COL6A6: variants seen among roughly 807,000 people sequenced by gnomAD.
COL6A6 encodes the protein collagen alpha-6(VI) chain.
COL6A6 carries 183 observed loss-of-function variants against 208.6 expected under a neutral mutation model. The observed-to-expected ratio is 0.88, with a 90% CI of 0.78 to 0.99. COL6A6 has a LOEUF of 0.99. Ranked by LOEUF, COL6A6 falls within the 50% of genes least tolerant of loss-of-function variation. COL6A6 has a pLI of 0.00. For missense variants in COL6A6, 2,816 were observed against 2,815.2 expected (o/e 1.00, Z -0.01); for synonymous variants, 973 against 1,011.8 (o/e 0.96, Z 0.73).
intron 28 of COL6A6, among the ~76,000 whole-genome samples, chr3:130,639,614 C>T (rs2108355459): frequency 6.6e-6 from 1 of 151,630 alleles, no homozygotes; most frequent in Admixed American, 6.6e-5. Flanking sequence ...ATCACCTGAG[C>T]CCAGAAAGTC....
At chr3:130,538,329 T>A (rs919678396) in intron 1 of COL6A6, among the ~76,000 whole-genome samples, 1 of 152,174 alleles carries the variant, frequency 6.6e-6, no homozygotes, top group South Asian at 2.1e-4. Context: ...CCTGTAGACA[T>A]GTTAAGAGTT....
intron 1 of COL6A6, among the ~76,000 whole-genome samples, chr3:130,550,533 T>A (rs2062618594): frequency 6.6e-6 from 1 of 152,160 alleles, no homozygotes; most frequent in South Asian, 2.1e-4. Context: ...GCACTTACAG[T>A]TCCACATGGC....
At chr3:130,661,541 C>G (rs1477509728) in intron 34 of COL6A6, 96 bp from the exon 35 acceptor site, 7 of 952,300 alleles carry the variant, frequency 7.4e-6, no homozygotes, top group Non-Finnish European at 1.1e-5. Flanking sequence ...ATTTTAACAT[C>G]AAAGACTATG....
chr3:130,674,968 T>C (rs918555096), intron 36 of COL6A6, among the ~76,000 whole-genome samples: 2 of 152,176 alleles, frequency 1.3e-5, no homozygotes, highest in African/African-American at 4.8e-5. Context: ...ACATATTCCA[T>C]GAAGAAACTT....
At chr3:130,643,829 A>G (rs1012299364) in intron 31 of COL6A6, among the ~76,000 whole-genome samples, 1 of 152,226 alleles carries the variant, frequency 6.6e-6, no homozygotes, top group African/African-American at 2.4e-5. Flanking sequence ...TCAGTAGAGA[A>G]CATTGGTCTC....
intron 1 of COL6A6, among the ~76,000 whole-genome samples, chr3:130,535,204 ATCTT>A (rs2062196015): frequency 2.0e-5 from 3 of 151,878 alleles, no homozygotes; most frequent in Admixed American, 2.0e-4. Flanking sequence ...TATTTTCTGT[ATCTT>A]TATTTTTCTT....
chr3:130,656,593 GCCCAGCC>G (rs948582083), intron 33 of COL6A6, among the ~76,000 whole-genome samples: 3 of 152,226 alleles, frequency 2.0e-5, no homozygotes, highest in African/African-American at 7.2e-5. Flanking sequence ...ATTTTGGTCA[GCCCAGCC>G]CCCAGGCTTC....
At chr3:130,624,874 A>G (rs960809471) in intron 24 of COL6A6, among the ~76,000 whole-genome samples, 3 of 152,042 alleles carry the variant, frequency 2.0e-5, no homozygotes, top group Admixed American at 6.6e-5. Context: ...CCCCTACCTT[A>G]CTCCAGTAAG....
rs75043809 is a variant in COL6A6 at position 130,517,293 on chromosome 3, C to T, written c.-136C>T. 2.6e-3 allele frequency among the ~76,000 whole-genome samples: 394 copies of T among 152,298 alleles called. 3 individuals are homozygous for T. The highest frequency in any genetic ancestry group is 8.3e-3 in the African/African-American group (346 of 41,582). Reference sequence around the variant, plus strand: ...CGCGCGCCGCAGGCGGCACCAAACTCTGCGCTCCCCGCGGTGCGCCCTGCC... The same window carrying T: ...CGCGCGCCGCAGGCGGCACCAAACTTTGCGCTCCCCGCGGTGCGCCCTGCC... On this transcript the variant is annotated 5_prime_UTR_variant, in exon 1 of 37. Transcript: ENST00000358511.
intron 36 of COL6A6, among the ~76,000 whole-genome samples, chr3:130,670,730 A>G (rs2066192309): frequency 6.6e-6 from 1 of 152,242 alleles, no homozygotes; most frequent in African/African-American, 2.4e-5. Context: ...GGCACCCAGC[A>G]TGTCCCAGCA....
At chr3:130,668,047 C>G (rs1211317767) in intron 36 of COL6A6, among the ~76,000 whole-genome samples, 1 of 140,228 alleles carries the variant, frequency 7.1e-6, no homozygotes, top group South Asian at 2.3e-4. Context: ...TTAAAAAGGC[C>G]AAAAAAAAAG....
chr3:130,591,058 A>C lies in COL6A6; in HGVS notation c.4236A>C (p.Lys1412Asn). 6.3e-7 allele frequency: 1 copy of C among 1,581,908 alleles called. No individual in the cohort carries two copies. Among genetic ancestry groups the C allele is most frequent in the South Asian group, 1.2e-5 (1 of 86,270 alleles). Residue 1412 changes from lysine to asparagine, a missense_variant, in exon 13 of 37, where the codon AAA becomes AAC. Coordinates refer to ENST00000358511, the MANE Select transcript of COL6A6 (RefSeq NM_001102608.3). The stretch of plus-strand genomic sequence containing the variant: ...ATTTCCAGGGACCTCCAGGTTTTAA[A>C]GGCAGTGAAGGCTACCTGGGAGAGG... ...PPGKRGPPGF[K>N]GSEGYLGEEG...
intron 1 of COL6A6, among the ~76,000 whole-genome samples, chr3:130,521,121 CT>C (rs1199113138): frequency 6.6e-6 from 1 of 152,148 alleles, no homozygotes; most frequent in African/African-American, 2.4e-5. Context: ...ATTGATTTGA[CT>C]CTAAAATATT....
At chr3:130,539,107 A>G (rs140350693) in intron 1 of COL6A6, among the ~76,000 whole-genome samples, 1 of 152,252 alleles carries the variant, frequency 6.6e-6, no homozygotes, top group Non-Finnish European at 1.5e-5. Context: ...ATTCCAGCCA[A>G]TCAGAAGGGG....
At chr3:130,621,097 A>G (rs1463862441) in intron 23 of COL6A6, among the ~76,000 whole-genome samples, 1 of 152,190 alleles carries the variant, frequency 6.6e-6, no homozygotes, top group Non-Finnish European at 1.5e-5. Context: ...CTTCCATTAT[A>G]TCTGATAGCT....
At chr3:130,554,425 C>T (rs4682618) in intron 1 of COL6A6, among the ~76,000 whole-genome samples, 121,060 of 152,060 alleles carry the variant, frequency 0.8, 48,917 homozygotes, top group Non-Finnish European at 0.86. Context: ...GCTGGTGTTT[C>T]TGTACACGTT....
intron 28 of COL6A6, among the ~76,000 whole-genome samples, chr3:130,640,922 T>A (rs2065288189): frequency 1.3e-5 from 2 of 152,242 alleles, no homozygotes; most frequent in Non-Finnish European, 2.9e-5. Flanking sequence ...AAGTTTTCCT[T>A]TGACCAGCAA....
intron 1 of COL6A6, among the ~76,000 whole-genome samples, chr3:130,555,952 G>A (rs2062759645): frequency 6.6e-6 from 1 of 152,100 alleles, no homozygotes; most frequent in African/African-American, 2.4e-5. Flanking sequence ...GTGTAGTGGT[G>A]AAATCTGGGC....
chr3:130,621,204 T>C (rs887506779), intron 23 of COL6A6, among the ~76,000 whole-genome samples: 1 of 152,204 alleles, frequency 6.6e-6, no homozygotes, highest in African/African-American at 2.4e-5. Flanking sequence ...TTTTGCATCT[T>C]TCTTGATAAA....
Sources: allele counts gnomAD v4.1 joint callset (sites outside exome capture counted in the v4.1 genomes callset), GRCh38; gene constraint gnomAD v4.1.1; transcripts MANE v1.5; gene names NCBI Gene and HGNC (gene_info 2026-07-23, HGNC 2026-07-21).